Variants in ANK2 observed in about 807,000 individuals in gnomAD.
The protein encoded by ANK2 is ankyrin-2.
Under a neutral mutation model 360.5 loss-of-function variants are expected in ANK2, and 83 were observed. The ratio of observed to expected loss-of-function variants is 0.23; its 90% CI spans 0.19 to 0.28. The LOEUF (loss-of-function observed/expected upper bound fraction) is 0.28. Ranked by LOEUF, ANK2 falls within the 10% of genes least tolerant of loss-of-function variation. The pLI, the probability that ANK2 is intolerant of heterozygous loss-of-function variation, is 1.00. For missense variants in ANK2, 4,201 were observed against 4,795.7 expected (o/e 0.88, Z 3.66); for synonymous variants, 1,740 against 1,759.5 (o/e 0.99, Z 0.28).
chr4:113,189,548 A>G (rs1052234965), intron 2 of ANK2, among the ~76,000 whole-genome samples: 1 of 152,226 alleles, frequency 6.6e-6, no homozygotes, highest in Non-Finnish European at 1.5e-5. Context: ...TCCCTAGTCT[A>G]TTAATTTGAA....
In ANK2 at chr4:113,025,963, T is replaced by C. The variant is rs554526657; in HGVS notation, c.21+121449T>C. On this transcript the variant is annotated intron_variant, in intron 2 of 30. Coordinates refer to the ANK2 transcript ENST00000503271. ...TTTTAATTTTCTAGTTTATAAAATG[T>C]AAAACAGAAACAGCAGGTTAAGTAA... Among the ~76,000 whole-genome samples, 3 of 152,288 alleles carry C rather than the reference T, an allele frequency of 2.0e-5. No individual in the cohort carries two copies. In the East Asian group the frequency reaches 5.8e-4, roughly 29 times the overall value.
intron 2 of ANK2, among the ~76,000 whole-genome samples, chr4:112,995,052 G>A (rs1344958548): frequency 6.6e-6 from 1 of 152,192 alleles, no homozygotes; most frequent in Non-Finnish European, 1.5e-5. Context: ...TTTGTGAATA[G>A]TGCTGCGATG....
chr4:113,366,566 G>T (rs2096546407), intron 41 of ANK2, among the ~76,000 whole-genome samples: 1 of 151,708 alleles, frequency 6.6e-6, no homozygotes, highest in African/African-American at 2.4e-5. Context: ...TGGCCTCCTT[G>T]CCATTTCTGG....
chr4:113,096,215 T>C (rs1371447885), intron 1 of ANK2, among the ~76,000 whole-genome samples: 1 of 152,152 alleles, frequency 6.6e-6, no homozygotes, highest in East Asian at 1.9e-4. Context: ...CATCTTCCGT[T>C]TGAATGAGCT....
chr4:112,913,296 G>T (rs554884091), intron 2 of ANK2, among the ~76,000 whole-genome samples: 24 of 152,076 alleles, frequency 1.6e-4, no homozygotes, highest in Non-Finnish European at 2.8e-4. Flanking sequence ...GAAGCTTATT[G>T]TAAAGGATTT....
chr4:112,896,912 CT>C (rs1253720455), intron 1 of ANK2, among the ~76,000 whole-genome samples: 2 of 151,976 alleles, frequency 1.3e-5, no homozygotes, highest in Non-Finnish European at 2.9e-5. Flanking sequence ...CGTGAGGATG[CT>C]CAACATATGA....
Position 113,341,746 on chromosome 4 carries a change from T to C in ANK2, c.3952T>C (p.Tyr1318His). 6.2e-7 allele frequency: 1 copy of C among 1,614,150 alleles called. No homozygotes were observed. The highest frequency in any genetic ancestry group is 1.3e-5 in the African/African-American group (1 of 75,034). The change falls in exon 33 of 46, where the codon TAC becomes CAC. Residue 1318 changes from tyrosine (Y) to histidine (H), a missense_variant. Physicochemically the swap from Tyr to His is moderately conservative, Grantham distance 83 (BLOSUM62 2). This residue lies in a region of ANK2 where 1,268 missense variants were observed against 1,650.8 expected (regional missense o/e 0.77). Coordinates refer to ENST00000357077, the MANE Select transcript of ANK2 (RefSeq NM_001148.6). ...QESVTFASQV[Y>H]REIICVPYMA... ...ATCCGTTACTTTTGCATCACAAGTA[T>C]ACAGAGAAATTATCTGCGTACCTTA...
At chr4:113,269,805 G>A (rs1482271321) in intron 14 of ANK2, among the ~76,000 whole-genome samples, 2 of 152,164 alleles carry the variant, frequency 1.3e-5, no homozygotes, top group African/African-American at 4.8e-5. Flanking sequence ...CTCCTTTCTA[G>A]ACTTTCTTAA....
the ANK2 span, among the ~76,000 whole-genome samples, chr4:112,764,850 G>T: frequency 6.6e-6 from 1 of 151,716 alleles, no homozygotes; most frequent in African/African-American, 2.4e-5. Flanking sequence ...TGGGATTACA[G>T]GCATGTGCCA....
At chr4:113,115,162 A>G (rs2094638681) in intron 1 of ANK2, among the ~76,000 whole-genome samples, 1 of 152,180 alleles carries the variant, frequency 6.6e-6, no homozygotes, top group African/African-American at 2.4e-5. Flanking sequence ...GTCAAGTGGT[A>G]GACGGTGACT....
At chr4:113,151,218 C>A in intron 1 of ANK2, 1 of 1,046,204 alleles carries the variant, frequency 9.6e-7, no homozygotes, top group Non-Finnish European at 1.3e-6. Context: ...AGGAATGTAC[C>A]CTTACTGCAA....
chr4:112,822,944 A>G (rs1445619969), intron 1 of ANK2, among the ~76,000 whole-genome samples: 2 of 151,966 alleles, frequency 1.3e-5, no homozygotes, highest in Non-Finnish European at 2.9e-5. Flanking sequence ...GTATAATGAG[A>G]TTTAAAAGGT....
the ANK2 span, chr4:112,788,552 C>T: frequency 9.4e-6 from 15 of 1,588,246 alleles, no homozygotes; most frequent in South Asian, 1.1e-4. Flanking sequence ...CAGCCTTCTT[C>T]TCTTGCTTTG....
At chr4:113,084,281 CA>C (rs1224797391) in intron 1 of ANK2, among the ~76,000 whole-genome samples, 1 of 152,146 alleles carries the variant, frequency 6.6e-6, no homozygotes, top group East Asian at 1.9e-4. Flanking sequence ...ATGGAGTAGT[CA>C]TTTTCCAAAA....
chr4:113,271,736 A>G (rs1311685729), intron 14 of ANK2, among the ~76,000 whole-genome samples: 2 of 152,210 alleles, frequency 1.3e-5, no homozygotes, highest in African/African-American at 4.8e-5. Flanking sequence ...TCATAATAAC[A>G]TCTGTAATTT....
intron 1 of ANK2, among the ~76,000 whole-genome samples, chr4:112,854,692 T>C (rs1169754035): frequency 6.6e-6 from 1 of 152,170 alleles, no homozygotes; most frequent in Non-Finnish European, 1.5e-5. Context: ...TTGACCAACA[T>C]TGGAACTGCA....
chr4:113,145,988 A>C (rs1013318495), intron 1 of ANK2: 38 of 1,289,668 alleles, frequency 2.9e-5, no homozygotes, highest in Non-Finnish European at 3.5e-5. Context: ...AGGACGTCAA[A>C]GAACCTGGAG....
Position 113,357,592 on chromosome 4 carries a change from G to T in ANK2, c.8974G>T (p.Asp2992Tyr), listed in dbSNP as rs1408241272. Residue 2992 changes from aspartate to tyrosine, a missense_variant, in exon 38 of 46, where the codon GAC becomes TAC. Around this residue, in one of 4 missense-constraint regions of ANK2, gnomAD observed 2,642 missense variants for 2,714.5 expected, o/e 0.97. Transcript: ENST00000357077. ...LSKESNFEGQ[D>Y]IKMESQQEST... ...CAAAGAATCTAATTTTGAGGGCCAG[G>T]ACATAAAAATGGAATCCCAACAGGA... 6.2e-7 allele frequency: 1 copy of T among 1,614,094 alleles called. No individual in the cohort carries two copies. Among genetic ancestry groups the T allele is most frequent in the Admixed American group, 1.7e-5 (1 of 60,014 alleles).
chr4:112,892,266 A>G (rs926768751), intron 1 of ANK2, among the ~76,000 whole-genome samples: 2 of 152,234 alleles, frequency 1.3e-5, no homozygotes, highest in African/African-American at 4.8e-5. Context: ...TGTGCTAGAA[A>G]AGGGGAAATA....
Sources: gnomAD v4.1 joint callset for allele counts (sites outside exome capture counted in the v4.1 genomes callset) on GRCh38, gnomAD v4.1.1 for gene constraint, gnomAD v4.1.1 regional missense constraint, MANE v1.5 for transcripts, NCBI Gene and HGNC (gene_info 2026-07-23, HGNC 2026-07-21) for gene names.